Variants in LRRTM4 observed in about 807,000 individuals in gnomAD.
LRRTM4 encodes leucine-rich repeat transmembrane neuronal protein 4.
Under a neutral mutation model 47.6 loss-of-function variants are expected in LRRTM4, and 25 were observed. That is an observed-to-expected ratio of 0.53 (90% confidence interval 0.38 to 0.73). The LOEUF (loss-of-function observed/expected upper bound fraction) is 0.73. LRRTM4 is among the 30% of genes least tolerant of loss of function. The pLI is 0.00. For synonymous variants in LRRTM4, 311 were observed against 269.5 expected (o/e 1.15, Z -1.51); for missense variants, 638 against 713.4 (o/e 0.89, Z 1.20).
intron 3 of LRRTM4, among the ~76,000 whole-genome samples, chr2:77,188,029 T>C (rs1673559432): frequency 6.6e-6 from 1 of 152,176 alleles, no homozygotes; most frequent in African/African-American, 2.4e-5. Context: ...ACATACCAAT[T>C]TTACATTTAG....
intron 3 of LRRTM4, among the ~76,000 whole-genome samples, chr2:77,124,738 C>T (rs1000434104): frequency 6.6e-6 from 1 of 152,042 alleles, no homozygotes; most frequent in African/African-American, 2.4e-5. Flanking sequence ...ATGTGCGTCG[C>T]GTGTTTTCCA....
intron 3 of LRRTM4, among the ~76,000 whole-genome samples, chr2:77,408,742 C>G (rs36015957): frequency 6.1e-4 from 93 of 152,236 alleles, no homozygotes; most frequent in Non-Finnish European, 1.0e-3. Context: ...CTGTTTACTT[C>G]TCTGTATCCC....
At chr2:77,498,741 C>CAACTAACTATTTTTCCCATCCTGT (rs1678458029) in intron 3 of LRRTM4, among the ~76,000 whole-genome samples, 1 of 151,748 alleles carries the variant, frequency 6.6e-6, no homozygotes. Context: ...ACTATTGTGG[C>CAACTAACTATTTTTCCCATCCTGT]AACTAACTAT....
At chr2:76,848,099 C>T (rs1389222114) in intron 3 of LRRTM4, among the ~76,000 whole-genome samples, 1 of 151,962 alleles carries the variant, frequency 6.6e-6, no homozygotes, top group African/African-American at 2.4e-5. Flanking sequence ...AAGTTTTTTT[C>T]CCTTAGATTC....
At chr2:77,470,786 C>T (rs1030880594) in intron 3 of LRRTM4, among the ~76,000 whole-genome samples, 1 of 152,096 alleles carries the variant, frequency 6.6e-6, no homozygotes, top group Non-Finnish European at 1.5e-5. Context: ...ACAACTGCAC[C>T]TTTCCATTTA....
intron 3 of LRRTM4, among the ~76,000 whole-genome samples, chr2:77,442,983 C>T (rs1675906460): frequency 6.6e-6 from 1 of 152,060 alleles, no homozygotes; most frequent in African/African-American, 2.4e-5. Flanking sequence ...CATAATAAGG[C>T]TCACTTGGCA....
At chr2:77,170,902 T>C (rs890887838) in intron 3 of LRRTM4, among the ~76,000 whole-genome samples, 1 of 150,874 alleles carries the variant, frequency 6.6e-6, no homozygotes, top group South Asian at 2.1e-4. Flanking sequence ...ATATATTATA[T>C]GTGTAGGTAT....
At chr2:77,078,430 G>A (rs1680422067) in intron 3 of LRRTM4, among the ~76,000 whole-genome samples, 1 of 151,784 alleles carries the variant, frequency 6.6e-6, no homozygotes, top group African/African-American at 2.4e-5. Context: ...ACTGCTCTGT[G>A]ATCCCAAAAA....
chr2:77,013,365 T>TA (rs1442946853), intron 3 of LRRTM4, among the ~76,000 whole-genome samples: 1 of 152,082 alleles, frequency 6.6e-6, no homozygotes, highest in Non-Finnish European at 1.5e-5. Flanking sequence ...TCGCAGGCAA[T>TA]AGAGAATGGA....
intron 3 of LRRTM4, among the ~76,000 whole-genome samples, chr2:77,299,085 T>C (rs560304623): frequency 6.6e-6 from 1 of 152,052 alleles, no homozygotes; most frequent in East Asian, 1.9e-4. Flanking sequence ...CACAGGGAGA[T>C]TCCTTTCTGA....
At chr2:76,947,797 C>T (rs72823111) in intron 3 of LRRTM4, among the ~76,000 whole-genome samples, 2,780 of 151,854 alleles carry the variant, frequency 0.018, 68 homozygotes, top group East Asian at 0.081. Context: ...TTATACTTGA[C>T]ATTGAAAGTG....
At chr2:76,866,839 A>G (rs1672483708) in intron 3 of LRRTM4, among the ~76,000 whole-genome samples, 1 of 152,302 alleles carries the variant, frequency 6.6e-6, no homozygotes, top group Non-Finnish European at 1.5e-5. Context: ...AAAATGATTT[A>G]TAATCCTTTG....
intron 3 of LRRTM4, among the ~76,000 whole-genome samples, chr2:76,988,090 C>T (rs568506947): frequency 6.6e-6 from 1 of 151,792 alleles, no homozygotes; most frequent in East Asian, 1.9e-4. Context: ...GTTCTTTTTT[C>T]TTCTATCAAC....
chr2:77,068,624 C>T (rs1680041335), intron 3 of LRRTM4, among the ~76,000 whole-genome samples: 1 of 152,200 alleles, frequency 6.6e-6, no homozygotes, highest in Non-Finnish European at 1.5e-5. Flanking sequence ...TGTTATAGCA[C>T]ATACTATGTT....
intron 3 of LRRTM4, among the ~76,000 whole-genome samples, chr2:77,186,720 G>C (rs1673514546): frequency 6.6e-6 from 1 of 152,082 alleles, no homozygotes; most frequent in South Asian, 2.1e-4. Flanking sequence ...TGATATTTGG[G>C]TTTCAATTAT....
chr2:76,781,805 T>C (rs2104163113), intron 3 of LRRTM4, among the ~76,000 whole-genome samples: 1 of 152,342 alleles, frequency 6.6e-6, no homozygotes, highest in Middle Eastern at 3.4e-3. Context: ...TTCTATTTTT[T>C]TTCCTGAAGA....
At chr2:77,022,626 G>A (rs1228685933) in intron 3 of LRRTM4, among the ~76,000 whole-genome samples, 1 of 152,154 alleles carries the variant, frequency 6.6e-6, no homozygotes, top group African/African-American at 2.4e-5. Flanking sequence ...AGGGGCTACA[G>A]GCACCATGCA....
intron 3 of LRRTM4, among the ~76,000 whole-genome samples, chr2:76,809,766 T>C (rs4387822): frequency 0.47 from 71,944 of 151,942 alleles, 18,532 homozygotes; most frequent in East Asian, 0.76. Flanking sequence ...ATGTATTTCT[T>C]TTCTCTGCTT....
Position 76,972,091 on chromosome 2 carries a change from G to A in LRRTM4, c.1552-223175C>T, listed in dbSNP as rs777114689. Among the ~76,000 whole-genome samples, 41 of 152,074 alleles carry A rather than the reference G, an allele frequency of 2.7e-4. 1 individual carries two copies. The highest frequency in any genetic ancestry group is 9.8e-4 in the Admixed American group (15 of 15,260). On this transcript the variant is annotated intron_variant, in intron 3 of 3. Transcript: ENST00000409884. ...TGTTTCAGCATTTTTCTAGAAGTCAGTCAGTTCTATACTAACTCAGTCATT... is the reference window on the plus strand; with the variant it reads ...TGTTTCAGCATTTTTCTAGAAGTCAATCAGTTCTATACTAACTCAGTCATT...
Sources: gnomAD v4.1 joint callset for allele counts (sites outside exome capture counted in the v4.1 genomes callset) on GRCh38, gnomAD v4.1.1 for gene constraint, MANE v1.5 for transcripts, NCBI Gene and HGNC (gene_info 2026-07-23, HGNC 2026-07-21) for gene names.